The following C3orf49 variants were observed in gnomAD, a reference collection of about 807,000 sequenced individuals.
The protein encoded by C3orf49 is chromosome 3 open reading frame 49.
C3orf49 carries 27 observed loss-of-function variants against 13.3 expected under a neutral mutation model. The observed-to-expected ratio is 2.02, with a 90% CI of 1.49 to 2.79. The LOEUF is 2.79. C3orf49 is among the 30% of genes most tolerant of loss of function. The pLI is 0.00. For synonymous variants in C3orf49, 87 were observed against 47.6 expected, an observed-to-expected ratio of 1.83 and a Z score of -3.40; for missense variants, 242 against 134.2, an observed-to-expected ratio of 1.80 and a Z score of -3.97.
At chr3:63,785,397 G>A in the C3orf49 span, among the ~76,000 whole-genome samples, 1 of 152,010 alleles carries the variant, frequency 6.6e-6, no homozygotes, top group Non-Finnish European at 1.5e-5. Flanking sequence ...TTCTAAAGAT[G>A]CTAACACTTA....
At chr3:63,797,391 G>T in the C3orf49 span, among the ~76,000 whole-genome samples, 3 of 152,018 alleles carry the variant, frequency 2.0e-5, no homozygotes, top group Non-Finnish European at 4.4e-5. Context: ...GAAAACTCTG[G>T]GATTATTTCA....
chr3:63,787,317 A>G, the C3orf49 span: 1 of 152,170 alleles, frequency 6.6e-6, no homozygotes, highest in East Asian at 1.9e-4. Flanking sequence ...TTCATGGGGA[A>G]AGGAAGAAAG....
chr3:63,804,260 A>C, the C3orf49 span, among the ~76,000 whole-genome samples: 28 of 152,282 alleles, frequency 1.8e-4, no homozygotes, highest in South Asian at 5.4e-3. Context: ...GTGAACAATC[A>C]GCCTGCCTAA....
chr3:63,821,350 T>G (rs1356879724), intron 1 of C3orf49, among the ~76,000 whole-genome samples: 1 of 152,194 alleles, frequency 6.6e-6, no homozygotes. Context: ...TTAGGTAATA[T>G]ATGAAGAACA....
the C3orf49 span, among the ~76,000 whole-genome samples, chr3:63,798,241 T>C: frequency 6.6e-6 from 1 of 152,254 alleles, no homozygotes; most frequent in Admixed American, 6.5e-5. Flanking sequence ...CTTTTATTTT[T>C]CTCATGGAGC....
chr3:63,841,832 A>G (rs1335192013), intron 5 of C3orf49, among the ~76,000 whole-genome samples: 1 of 152,212 alleles, frequency 6.6e-6, no homozygotes, highest in African/African-American at 2.4e-5. Flanking sequence ...TAAGTTTATT[A>G]AAAAGAAGCA....
chr3:63,825,131 T>G (rs1559598961), intron 2 of C3orf49, among the ~76,000 whole-genome samples: 1 of 152,170 alleles, frequency 6.6e-6, no homozygotes, highest in Admixed American at 6.5e-5. Flanking sequence ...TGTCATAACA[T>G]ACATCCACCA....
At chr3:63,784,602 A>C in the C3orf49 span, 2 of 152,230 alleles carry the variant, frequency 1.3e-5, no homozygotes, top group Non-Finnish European at 2.9e-5. Context: ...CACACCTGTA[A>C]TCCCAGCATT....
the C3orf49 span, among the ~76,000 whole-genome samples, chr3:63,780,612 T>C: frequency 6.6e-6 from 1 of 152,290 alleles, no homozygotes; most frequent in East Asian, 1.9e-4. Flanking sequence ...CCACCAACAG[T>C]GTAAAAGTGT....
chr3:63,831,719 A>T lies in C3orf49; in HGVS notation c.724A>T (p.Lys242Ter), dbSNP rs774574212. The change falls in exon 5 of 7, where the codon AAG becomes TAG. Residue 242 changes from lysine to a stop codon, truncating the protein, a stop_gained. Transcript: ENST00000295896. LOFTEE classifies it high-confidence loss of function. ...LIETVTDKSM[K>*]LLAQRHAELQ... is the part of the protein sequence containing the mutation. The stretch of plus-strand genomic sequence containing the variant: ...AGAAACAGTGACTGATAAATCCATG[A>T]AGCTACTGGCCCAAAGACATGCTGA... 2.8e-6 allele frequency: 2 copies of T among 703,058 alleles called. No homozygotes were observed. The highest frequency in any genetic ancestry group is 5.4e-5 in the East Asian group (2 of 37,284). 43.6% of individuals were successfully genotyped at this position (703,058 alleles called of 1,614,324 possible).
the C3orf49 span, among the ~76,000 whole-genome samples, chr3:63,804,019 T>C: frequency 6.6e-6 from 1 of 151,812 alleles, no homozygotes. Flanking sequence ...CTAGATCCCT[T>C]GAATGAGCAG....
At chr3:63,812,024 G>A in the C3orf49 span, among the ~76,000 whole-genome samples, 2 of 151,690 alleles carry the variant, frequency 1.3e-5, no homozygotes, top group East Asian at 2.0e-4. Context: ...TAGCGACTGC[G>A]GTAAACTGAG....
rs1575809618 is a variant in C3orf49 at position 63,846,489 on chromosome 3, C to T, written c.*30+1407C>T. 2.6e-5 allele frequency among the ~76,000 whole-genome samples: 4 copies of T among 152,218 alleles called. No individual in the cohort carries two copies. The South Asian group carries it at 8.3e-4, about 32-fold the overall frequency. On this transcript the variant is annotated intron_variant, in intron 6 of 6. Transcript: ENST00000295896. Reference sequence around the variant, plus strand: ...AGGGCGCAATCTTGGCTCACCACAACCTTCGTCTCCTGGGTTCAAGCTATT... The same window carrying T: ...AGGGCGCAATCTTGGCTCACCACAATCTTCGTCTCCTGGGTTCAAGCTATT...
At chr3:63,815,951 A>G (rs2107086208), upstream of C3orf49, among the ~76,000 whole-genome samples, 1 of 150,842 alleles carries the variant, frequency 6.6e-6, no homozygotes, top group African/African-American at 2.4e-5. Context: ...ATGCCCAGCT[A>G]ATTTTTCTAT....
chr3:63,836,237 A>G (rs920528493), intron 5 of C3orf49: 7 of 1,472,844 alleles, frequency 4.8e-6, no homozygotes, highest in Non-Finnish European at 6.5e-6. Context: ...TGAAATGCCT[A>G]CGGTAGTTTT....
intron 5 of C3orf49, among the ~76,000 whole-genome samples, chr3:63,839,457 C>T (rs1047680545): frequency 5.3e-5 from 8 of 152,132 alleles, no homozygotes; most frequent in Admixed American, 6.6e-5. Context: ...TACCAATCTG[C>T]CTTCTCCATG....
At chr3:63,786,917 C>G in the C3orf49 span, among the ~76,000 whole-genome samples, 1 of 152,148 alleles carries the variant, frequency 6.6e-6, no homozygotes, top group African/African-American at 2.4e-5. Context: ...GTCAGGGTCT[C>G]TCATCTAGGT....
the C3orf49 span, among the ~76,000 whole-genome samples, chr3:63,787,993 A>T: frequency 2.6e-5 from 4 of 152,254 alleles, no homozygotes; most frequent in Non-Finnish European, 5.9e-5. Flanking sequence ...TGGAAATGTC[A>T]GTGCCCAAAC....
chr3:63,783,222 A>C, the C3orf49 span: 12 of 152,186 alleles, frequency 7.9e-5, no homozygotes, highest in Non-Finnish European at 1.5e-4. Context: ...AATATACTTG[A>C]AATGTACTAT....
Sources: gnomAD v4.1 joint callset for allele counts (sites outside exome capture counted in the v4.1 genomes callset) on GRCh38, gnomAD v4.1.1 for gene constraint, MANE v1.5 for transcripts, NCBI Gene and HGNC (gene_info 2026-07-23, HGNC 2026-07-21) for gene names.